The following KISS1R variants were observed in gnomAD, a reference collection of about 807,000 sequenced individuals.
KISS1R encodes the protein KISS1 receptor, also known as kiSS-1 receptor.
KISS1R carries 19 observed loss-of-function variants against 22.0 expected under a neutral mutation model. That is an observed-to-expected ratio of 0.86 (90% CI 0.60 to 1.26). The LOEUF is 1.26. Among genes scored for constraint, KISS1R ranks in the 50% most tolerant of loss-of-function variants. The probability of loss-of-function intolerance (pLI) is 0.00; values close to 1 mark genes in which losing one functional copy is unlikely to be tolerated. For synonymous variants in KISS1R, 302 were observed against 283.9 expected, an observed-to-expected ratio of 1.06 and a Z score of -0.64; for missense variants, 653 against 581.9, an observed-to-expected ratio of 1.12 and a Z score of -1.26.
Position 920,559 on chromosome 19 carries a change from C to T in KISS1R, c.1008C>T (p.Arg336=), listed in dbSNP as rs1023656398. 8.9e-6 allele frequency: 14 copies of T among 1,569,596 alleles called. No individual in the cohort carries two copies. In the Admixed American group the frequency reaches 9.0e-5, roughly 10 times the overall value. The change falls in exon 5 of 5, where the codon CGC becomes CGT. Residue 336 remains arginine (R), a synonymous_variant. Coordinates refer to ENST00000234371, the MANE Select transcript of KISS1R (RefSeq NM_032551.5). ...LGSHFRQAFR[R]VCPCAPRRPR... is the part of the protein sequence containing the mutation. The stretch of plus-strand genomic sequence containing the variant: ...CGCACTTCCGACAGGCCTTCCGCCG[C>T]GTCTGCCCCTGCGCGCCGCGCCGCC...
In KISS1R at chr19:920,790, G is replaced by C. The variant is rs1599371570; in HGVS notation, c.*42G>C. On this transcript the variant is annotated 3_prime_UTR_variant, in exon 5 of 5. Transcript: ENST00000234371. ...TCCGAGCGGCTCCCTCGGGAGCGGGGACTGCTGGAACAGCGGCTATTCTTC... is the reference window on the plus strand; with the variant it reads ...TCCGAGCGGCTCCCTCGGGAGCGGGCACTGCTGGAACAGCGGCTATTCTTC... 8.0e-7 allele frequency: 1 copy of C among 1,249,994 alleles called. No homozygotes were observed. 77.4% of individuals were successfully genotyped at this position (1,249,994 alleles called of 1,614,324 possible).
In KISS1R at chr19:919,510, T is replaced by A; in HGVS notation, c.390T>A (p.Cys130Ter). The A allele has an allele frequency of 6.4e-7, 1 of 1,556,630 alleles. No homozygotes were observed. The change falls in exon 3 of 5, where the codon TGT becomes TGA. Residue 130 changes from cysteine (C) to a stop codon, truncating the protein, a stop_gained. Coordinates refer to ENST00000234371, the MANE Select transcript of KISS1R (RefSeq NM_032551.5). LOFTEE classifies it high-confidence loss of function. ...YIQQVSVQAT[C>*]ATLTAMSVDR... is the part of the protein sequence containing the mutation. ...CGCAGGTCTCGGTGCAGGCCACGTG[T>A]GCCACTCTGACCGCCATGAGTGTGG...
Position 919,855 on chromosome 19 carries a change from A to T in KISS1R, c.506-19A>T. 6.5e-7 allele frequency: 1 copy of T among 1,535,602 alleles called. No homozygotes were observed. The highest frequency in any genetic ancestry group is 8.7e-7 in the Non-Finnish European group (1 of 1,145,828). On this transcript the variant is annotated intron_variant, in intron 3 of 4. Transcript: ENST00000234371. ...CGCTGGTTCCCCGAGCGGGGTCTTCATCCTGGCTTGTGGCACAGGCTCTGC... is the reference window on the plus strand; with the variant it reads ...CGCTGGTTCCCCGAGCGGGGTCTTCTTCCTGGCTTGTGGCACAGGCTCTGC...
At position 917,643 on chromosome 19, in the gene KISS1R, C is replaced by A. The variant is rs1374181881; in HGVS notation, c.141C>A (p.Leu47=). The change falls in exon 1 of 5, where the codon CTC becomes CTA. Residue 47 remains leucine, a synonymous_variant. Transcript: ENST00000234371. ...PRAVDAWLVP[L]FFAALMLLGL... is the part of the protein sequence containing the mutation. Reference sequence around the variant, plus strand: ...CCGTGGACGCCTGGCTCGTGCCGCTCTTCTTCGCGGCGCTGATGCTGCTGG... The same window carrying A: ...CCGTGGACGCCTGGCTCGTGCCGCTATTCTTCGCGGCGCTGATGCTGCTGG... The A allele has an allele frequency of 6.3e-7, 1 of 1,588,008 alleles. No homozygotes were observed. The highest frequency in any genetic ancestry group is 1.1e-5 in the South Asian group (1 of 88,074).
At position 920,512 on chromosome 19, in the gene KISS1R, C is replaced by T. The variant is rs1423924297; in HGVS notation, c.961C>T (p.Leu321=). The T allele has an allele frequency of 6.2e-6, 10 of 1,606,850 alleles. No homozygotes were observed. Among genetic ancestry groups the T allele is most frequent in the Non-Finnish European group, 8.5e-6 (10 of 1,177,920 alleles). The change falls in exon 5 of 5, where the codon CTG becomes TTG. Residue 321 remains leucine, a synonymous_variant. Transcript: ENST00000234371. ...CTACAGCAACTCCGCGCTGAACCCG[C>T]TGCTCTACGCCTTCCTGGGCTCGCA... ...MSYSNSALNP[L]LYAFLGSHFR...
At position 918,635 on chromosome 19, in the gene KISS1R, C is replaced by T. The variant is rs1196082581; in HGVS notation, c.336C>T (p.Asp112=). The T allele has an allele frequency of 6.4e-7, 1 of 1,551,126 alleles. No homozygotes were observed. Among genetic ancestry groups the T allele is most frequent in the Non-Finnish European group, 8.7e-7 (1 of 1,147,050 alleles). Residue 112 remains aspartate, a synonymous_variant, in exon 2 of 5, where the codon GAC becomes GAT. Coordinates refer to ENST00000234371, the MANE Select transcript of KISS1R (RefSeq NM_032551.5). The part of the protein sequence containing the change: ...LYPLPGWVLG[D]FMCKFVNYIQ... ...CGCTGCCCGGCTGGGTGCTGGGCGA[C>T]TTCATGTGCAAGTTCGTCAACTACA...
chr19:920,012 T>G lies in KISS1R; in HGVS notation c.644T>G (p.Leu215Arg), dbSNP rs1179059532. 6.5e-7 allele frequency: 1 copy of G among 1,546,688 alleles called. No homozygotes were observed. The highest frequency in any genetic ancestry group is 1.2e-5 in the South Asian group (1 of 84,454). ...ALYNLLALYL[L>R]PLLATCACYA... is the part of the protein sequence containing the mutation. ...TACAACCTGCTGGCGCTGTACCTGC[T>G]GCCGCTGCTCGCCACCTGCGCCTGC... The change falls in exon 4 of 5, where the codon CTG (leucine) becomes CGG (arginine). Residue 215 changes from leucine to arginine, a missense_variant. Transcript: ENST00000234371.
In KISS1R at chr19:918,677, C is replaced by G; in HGVS notation, c.369+9C>G. The G allele has an allele frequency of 1.3e-6, 2 of 1,539,954 alleles. No individual in the cohort carries two copies. The highest frequency in any genetic ancestry group is 1.8e-6 in the Non-Finnish European group (2 of 1,140,772). Reference sequence around the variant, plus strand: ...TCAACTACATCCAGCAGGTGCGCTCCGGAGCAGGAGGGGAGAGGGCGCACT... The same window carrying G: ...TCAACTACATCCAGCAGGTGCGCTCGGGAGCAGGAGGGGAGAGGGCGCACT... On this transcript the variant is annotated intron_variant, in intron 2 of 4. Coordinates refer to ENST00000234371, the MANE Select transcript of KISS1R (RefSeq NM_032551.5).
chr19:917,767 G>A (rs759411787), intron 1 of KISS1R, 21 bp downstream of exon 1: 11 of 1,586,692 alleles, frequency 6.9e-6, no homozygotes, highest in Admixed American at 1.7e-5. Context: ...GCGCTGCGCC[G>A]CACCTGCTGC....
intron 1 of KISS1R, 71 bp downstream of exon 1, chr19:917,817 CT>C (rs2037071057): frequency 1.3e-6 from 2 of 1,502,306 alleles, no homozygotes; most frequent in African/African-American, 2.8e-5. Flanking sequence ...CTGGGGCGCC[CT>C]CTCGCGACGC....
intron 1 of KISS1R, 48 bp from the exon 2 acceptor site, chr19:918,496 C>T: frequency 6.5e-7 from 1 of 1,534,814 alleles, no homozygotes; most frequent in Non-Finnish European, 8.7e-7. Context: ...TGGGCGGTTC[C>T]CGCGGCCAGT....
At position 920,598 on chromosome 19, in the gene KISS1R, C is replaced by T; in HGVS notation, c.1047C>T (p.Arg349=). The T allele has an allele frequency of 3.5e-6, 5 of 1,432,508 alleles. No homozygotes were observed. Among genetic ancestry groups the T allele is most frequent in the Non-Finnish European group, 4.5e-6 (5 of 1,101,376 alleles). The allele number at this position is 1,432,508 out of a possible 1,614,324, so 88.7% of individuals were successfully genotyped here. A position where few individuals can be genotyped will look rare whatever the true frequency, so the allele number is the denominator to read the frequency against. Residue 349 remains arginine (R), a synonymous_variant, in exon 5 of 5, where the codon CGC becomes CGT. Transcript: ENST00000234371. ...PCAPRRPRRP[R]RPGPSDPAAP... ...CGCCGCGCCGCCCCCGCCGCCCCCGCCGGCCCGGACCCTCGGACCCCGCAG... is the reference window on the plus strand; with the variant it reads ...CGCCGCGCCGCCCCCGCCGCCCCCGTCGGCCCGGACCCTCGGACCCCGCAG...
intron 2 of KISS1R, among the ~76,000 whole-genome samples, chr19:919,055 G>A (rs1005684670): frequency 6.7e-6 from 1 of 149,454 alleles, no homozygotes; most frequent in Non-Finnish European, 1.5e-5. Flanking sequence ...GGGGCGCGAG[G>A]CAACGCATAG....
At position 917,633 on chromosome 19, in the gene KISS1R, T is replaced by C. The variant is rs1157026137; in HGVS notation, c.131T>C (p.Leu44Pro). ...VPSPRAVDAWLVPLFFAALML... is the reference protein window; with the variant it reads ...VPSPRAVDAWPVPLFFAALML... Reference sequence around the variant, plus strand: ...TCGCCGCGGGCCGTGGACGCCTGGCTCGTGCCGCTCTTCTTCGCGGCGCTG... The same window carrying C: ...TCGCCGCGGGCCGTGGACGCCTGGCCCGTGCCGCTCTTCTTCGCGGCGCTG... Residue 44 changes from leucine to proline, a missense_variant, in exon 1 of 5, where the codon CTC becomes CCC. By Grantham distance (98) the Leu-to-Pro change is moderately conservative (BLOSUM62 -3). Transcript: ENST00000234371. 3 of 1,583,562 alleles carry C rather than the reference T, an allele frequency of 1.9e-6. No homozygotes were observed. The Admixed American group carries it at 5.4e-5, about 29-fold the overall frequency.
chr19:920,423 C>T lies in KISS1R; in HGVS notation c.872C>T (p.Ala291Val), dbSNP rs751445161. Residue 291 changes from alanine (A) to valine (V), a missense_variant, in exon 5 of 5, where the codon GCG becomes GTG. Transcript: ENST00000234371. ...LFLVLQALGP[A>V]GSWHPRSYAA... The stretch of plus-strand genomic sequence containing the variant: ...CTGGTGCTGCAGGCGCTGGGCCCCG[C>T]GGGCTCCTGGCACCCACGCAGCTAC... 8 of 1,608,100 alleles carry T rather than the reference C, an allele frequency of 5.0e-6. No individual in the cohort carries two copies. The Admixed American group carries it at 8.4e-5, about 17-fold the overall frequency.
In KISS1R at chr19:917,616, G is replaced by T. The variant is rs569047476; in HGVS notation, c.114G>T (p.Arg38=). 60 of 1,573,112 alleles carry T rather than the reference G, an allele frequency of 3.8e-5. No homozygotes were observed. In the East Asian group the frequency reaches 9.1e-4, roughly 24 times the overall value. ...CGGACGGCCCAGTCCCTTCGCCGCG[G>T]GCCGTGGACGCCTGGCTCGTGCCGC... ...NASDGPVPSP[R]AVDAWLVPLF... Residue 38 remains arginine, a synonymous_variant, in exon 1 of 5, where the codon CGG becomes CGT. Transcript: ENST00000234371.
rs1340623045 is a variant in KISS1R at position 917,361 on chromosome 19, C to T, written c.-142C>T. On this transcript the variant is annotated 5_prime_UTR_variant, in exon 1 of 5. Transcript: ENST00000234371. ...GGAGCCGCCGAGCCCAGCACAGCTG[C>T]CCTCTGGACCCTGCGGACCCCAGCC... is the stretch of plus-strand genomic sequence containing the variant. 15 of 971,826 alleles carry T rather than the reference C, an allele frequency of 1.5e-5. No homozygotes were observed. The East Asian group carries it at 4.6e-4, about 30-fold the overall frequency. 60.2% of individuals were successfully genotyped at this position (971,826 alleles called of 1,614,324 possible). A position where few individuals can be genotyped will look rare whatever the true frequency, so the allele number is the denominator to read the frequency against.
At position 917,639 on chromosome 19, in the gene KISS1R, C is replaced by A; in HGVS notation, c.137C>A (p.Pro46Gln). 2 of 1,585,818 alleles carry A rather than the reference C, an allele frequency of 1.3e-6. No individual in the cohort carries two copies. Among genetic ancestry groups the A allele is most frequent in the Non-Finnish European group, 1.7e-6 (2 of 1,168,122 alleles). Residue 46 changes from proline (P) to glutamine (Q), a missense_variant, in exon 1 of 5, where the codon CCG becomes CAG. Transcript: ENST00000234371. ...SPRAVDAWLV[P>Q]LFFAALMLLG... ...CGGGCCGTGGACGCCTGGCTCGTGC[C>A]GCTCTTCTTCGCGGCGCTGATGCTG...
intron 3 of KISS1R, 63 bp from the exon 4 acceptor site, chr19:919,811 G>T: frequency 6.7e-7 from 1 of 1,500,842 alleles, no homozygotes; most frequent in Non-Finnish European, 9.0e-7. Context: ...AACGCCTCCC[G>T]GGGAGGCACG....
Sources: allele counts gnomAD v4.1 joint callset (sites outside exome capture counted in the v4.1 genomes callset), GRCh38; gene constraint gnomAD v4.1.1; transcripts MANE v1.5; gene names NCBI Gene and HGNC (gene_info 2026-07-23, HGNC 2026-07-21).